The following LRMDA variants were observed in gnomAD, a reference collection of about 807,000 sequenced individuals.
LRMDA encodes leucine-rich melanocyte differentiation-associated protein.
A neutral mutation model predicts 29.8 loss-of-function variants in LRMDA; 18 were observed. The observed-to-expected ratio is 0.60, with a 90% confidence interval of 0.42 to 0.90. The LOEUF is 0.90. LRMDA is among the 40% of genes least tolerant of loss of function. The pLI, the probability that LRMDA is intolerant of heterozygous loss-of-function variation, is 0.00. For missense variants in LRMDA, 273 were observed against 273.9 expected (o/e 1.00, Z 0.02); for synonymous variants, 125 against 109.4 (o/e 1.14, Z -0.89).
At chr10:75,607,331 G>A (rs1265377339) in intron 2 of LRMDA, among the ~76,000 whole-genome samples, 2 of 152,188 alleles carry the variant, frequency 1.3e-5, no homozygotes, top group Non-Finnish European at 1.5e-5. Context: ...TTTCTAGTCT[G>A]TTAGATTCGA....
chr10:76,082,613 T>C (rs1348381516), intron 5 of LRMDA, among the ~76,000 whole-genome samples: 1 of 151,494 alleles, frequency 6.6e-6, no homozygotes, highest in East Asian at 2.0e-4. Flanking sequence ...TTTGGAGAAA[T>C]CAGAGAAATG....
At chr10:76,522,615 C>T (rs1843132194) in intron 6 of LRMDA, among the ~76,000 whole-genome samples, 1 of 152,176 alleles carries the variant, frequency 6.6e-6, no homozygotes, top group African/African-American at 2.4e-5. Context: ...ATTTAATGAC[C>T]TTGAGGTTTC....
At chr10:76,550,055 CA>C (rs1284171427) in intron 6 of LRMDA, among the ~76,000 whole-genome samples, 6 of 152,114 alleles carry the variant, frequency 3.9e-5, no homozygotes, top group South Asian at 4.2e-4. Flanking sequence ...AATATTTGGC[CA>C]GAGCTGATTG....
chr10:76,533,622 T>A (rs1409210420), intron 6 of LRMDA, among the ~76,000 whole-genome samples: 1 of 152,180 alleles, frequency 6.6e-6, no homozygotes, highest in African/African-American at 2.4e-5. Flanking sequence ...CCTATGGATT[T>A]CTATTTTAAG....
chr10:75,750,333 T>C (rs12253960), intron 2 of LRMDA, among the ~76,000 whole-genome samples: 8,525 of 151,206 alleles, frequency 0.056, 672 homozygotes, highest in African/African-American at 0.18. Flanking sequence ...GGGCAGCTGC[T>C]GGGCGGAGGG....
At chr10:76,139,908 G>A (rs72815533) in intron 5 of LRMDA, among the ~76,000 whole-genome samples, 1,836 of 152,218 alleles carry the variant, frequency 0.012, 25 homozygotes, top group Middle Eastern at 0.024. Flanking sequence ...TGTGGAGCAT[G>A]TTTAGGAGGG....
Position 76,533,162 on chromosome 10 carries a change from C to T in LRMDA, c.602-24047C>T, listed in dbSNP as rs899150490. On this transcript the variant is annotated intron_variant, in intron 6 of 6. Coordinates refer to ENST00000611255, the MANE Select transcript of LRMDA (RefSeq NM_001305581.2). ...GAGCGAGAGCGAGAGTGAGAGAGAG[C>T]GAGAGAGAGAATGAATCACAAACAC... 7.3e-5 allele frequency among the ~76,000 whole-genome samples: 11 copies of T among 151,426 alleles called. 2 individuals are homozygous for T. The highest frequency in any genetic ancestry group is 1.7e-4 in the African/African-American group (7 of 41,184).
At chr10:76,522,390 G>A (rs1843130135) in intron 6 of LRMDA, among the ~76,000 whole-genome samples, 1 of 152,156 alleles carries the variant, frequency 6.6e-6, no homozygotes, top group Non-Finnish European at 1.5e-5. Flanking sequence ...AGCTACACTT[G>A]TTCCCCACTT....
At chr10:76,359,841 C>T (rs540628355) in intron 6 of LRMDA, among the ~76,000 whole-genome samples, 8 of 152,202 alleles carry the variant, frequency 5.3e-5, no homozygotes, top group South Asian at 2.1e-4. Flanking sequence ...TAGAAAAATT[C>T]GTTAAGGCTG....
At chr10:75,913,599 G>A (rs1327298627) in intron 2 of LRMDA, among the ~76,000 whole-genome samples, 2 of 152,212 alleles carry the variant, frequency 1.3e-5, no homozygotes, top group East Asian at 1.9e-4. Context: ...TTTGGGAGCC[G>A]GATGAATCTT....
intron 5 of LRMDA, 52 bp downstream of exon 5, chr10:76,058,835 G>A (rs376904888): frequency 1.4e-6 from 2 of 1,397,366 alleles, no homozygotes; most frequent in Non-Finnish European, 1.0e-6. Flanking sequence ...TCATGGCAGT[G>A]CTTACACCCC....
At chr10:75,720,853 T>C (rs898212416) in intron 2 of LRMDA, among the ~76,000 whole-genome samples, 10 of 152,144 alleles carry the variant, frequency 6.6e-5, no homozygotes, top group African/African-American at 2.4e-4. Flanking sequence ...AACAGATTCC[T>C]ACCCAAGACG....
intron 6 of LRMDA, among the ~76,000 whole-genome samples, chr10:76,396,306 G>C (rs1167552071): frequency 6.6e-6 from 1 of 152,164 alleles, no homozygotes; most frequent in Non-Finnish European, 1.5e-5. Context: ...TTCAACAGTA[G>C]GTTGACATGT....
intron 6 of LRMDA, among the ~76,000 whole-genome samples, chr10:76,539,835 C>G (rs1277049975): frequency 6.6e-6 from 1 of 152,056 alleles, no homozygotes; most frequent in Non-Finnish European, 1.5e-5. Flanking sequence ...CTGTTGAAAG[C>G]CTGTGAAACA....
chr10:76,392,620 A>G (rs1055893487), intron 6 of LRMDA, among the ~76,000 whole-genome samples: 1 of 152,056 alleles, frequency 6.6e-6, no homozygotes, highest in South Asian at 2.1e-4. Flanking sequence ...TATTTAGGAT[A>G]TCAGATTCTC....
At chr10:75,678,065 T>C (rs1025740419) in intron 2 of LRMDA, among the ~76,000 whole-genome samples, 1 of 152,148 alleles carries the variant, frequency 6.6e-6, no homozygotes, top group Non-Finnish European at 1.5e-5. Context: ...AAAAAGGACA[T>C]ACACAAACTC....
At chr10:76,093,550 C>T (rs2395339) in intron 5 of LRMDA, among the ~76,000 whole-genome samples, 63,103 of 151,828 alleles carry the variant, frequency 0.42, 13,629 homozygotes, top group Non-Finnish European at 0.44. Context: ...GTTGTTACCA[C>T]CTCCTCTTCC....
At chr10:76,367,657 CAGGTGATCCACCTGCCCCGATCTT>C (rs1841406864) in intron 6 of LRMDA, among the ~76,000 whole-genome samples, 1 of 152,022 alleles carries the variant, frequency 6.6e-6, no homozygotes, top group African/African-American at 2.4e-5. Flanking sequence ...CTCCAGACCT[CAGGTGATCCACCTGCCCCGATCTT>C]AGGTGATCCA....
chr10:75,971,450 C>G (rs149343060), intron 2 of LRMDA, among the ~76,000 whole-genome samples: 36 of 152,134 alleles, frequency 2.4e-4, no homozygotes, highest in Non-Finnish European at 4.4e-4. Context: ...AAAGTGGAAG[C>G]CTTGAGTGAA....
Sources: gnomAD v4.1 joint callset for allele counts (sites outside exome capture counted in the v4.1 genomes callset) on GRCh38, gnomAD v4.1.1 for gene constraint, MANE v1.5 for transcripts, NCBI Gene and HGNC (gene_info 2026-07-23, HGNC 2026-07-21) for gene names.